The following GPBP1 variants were observed in gnomAD, a reference collection of about 807,000 sequenced individuals.
GPBP1 encodes GC-rich promoter binding protein 1.
GPBP1 carries 13 observed loss-of-function variants against 56.5 expected under a neutral mutation model. The observed-to-expected ratio is 0.23, with a 90% confidence interval of 0.15 to 0.37. GPBP1 has a LOEUF of 0.37. Ranked by LOEUF, GPBP1 falls within the 10% of genes least tolerant of loss-of-function variation. The pLI, the probability that GPBP1 is intolerant of heterozygous loss-of-function variation, is 1.00. For synonymous variants in GPBP1, 204 were observed against 188.9 expected, an observed-to-expected ratio of 1.08 and a Z score of -0.66; for missense variants, 477 against 572.3, an observed-to-expected ratio of 0.83 and a Z score of 1.70.
In GPBP1 at chr5:57,257,192, A is replaced by G. The variant is rs148966991; in HGVS notation, c.1161-3988A>G. ...TGGGATTACAGGCACCCGCCACAAC[A>G]CCTGGCTAATTTTTTGTATTTTTAA... On this transcript the variant is annotated intron_variant, in intron 10 of 11. Transcript: ENST00000506184. Among the ~76,000 whole-genome samples, 448 of 151,802 alleles carry G rather than the reference A, an allele frequency of 3.0e-3. 2 individuals carry two copies. Among genetic ancestry groups the G allele is most frequent in the African/African-American group, 0.01 (424 of 41,398 alleles).
chr5:57,218,074 C>CA (rs936035046), intron 3 of GPBP1, among the ~76,000 whole-genome samples: 2 of 151,714 alleles, frequency 1.3e-5, no homozygotes, highest in Non-Finnish European at 2.9e-5. Flanking sequence ...GAAAAAAAAA[C>CA]AAAAAAACCC....
chr5:57,238,361 C>T (rs1740635126), intron 6 of GPBP1, among the ~76,000 whole-genome samples: 1 of 152,080 alleles, frequency 6.6e-6, no homozygotes, highest in African/African-American at 2.4e-5. Context: ...GAGGTCGACA[C>T]CAGCCTGACC....
At chr5:57,227,148 G>A (rs1488894166) in intron 3 of GPBP1, among the ~76,000 whole-genome samples, 1 of 152,134 alleles carries the variant, frequency 6.6e-6, no homozygotes, top group East Asian at 1.9e-4. Context: ...CACCTCCCAG[G>A]TTCAAGCAGT....
Position 57,251,102 on chromosome 5 carries a change from A to G in GPBP1, c.1121A>G (p.Gln374Arg). Reference protein sequence around the residue: ...QQIIRSSTFPQTDVLSSSLEA... With the variant: ...QQIIRSSTFPRTDVLSSSLEA... ...ATCATTCGGTCTTCAACCTTCCCAC[A>G]AACTGATGTTCTTTCAAGTTCACTT... is the stretch of plus-strand genomic sequence containing the variant. Residue 374 changes from glutamine (Q) to arginine (R), a missense_variant, in exon 10 of 12, where the codon CAA becomes CGA. This residue lies in a region of GPBP1 where 414 missense variants were observed against 458.2 expected (regional missense o/e 0.90). Transcript: ENST00000506184. 6.2e-7 allele frequency: 1 copy of G among 1,611,748 alleles called. No individual in the cohort carries two copies.
chr5:57,185,406 A>G (rs1754243697), intron 2 of GPBP1, among the ~76,000 whole-genome samples: 1 of 151,932 alleles, frequency 6.6e-6, no homozygotes, highest in African/African-American at 2.4e-5. Flanking sequence ...GATTACAGGC[A>G]CATGCCACAA....
chr5:57,257,074 C>T (rs1040408558), intron 10 of GPBP1, among the ~76,000 whole-genome samples: 4 of 151,754 alleles, frequency 2.6e-5, no homozygotes, highest in East Asian at 1.9e-4. Context: ...ACTCTTGTCA[C>T]ACAGGCTGGA....
At position 57,263,779 on chromosome 5, in the gene GPBP1, G is replaced by A. The variant is rs1742004140; in HGVS notation, c.*1027G>A. The A allele has an allele frequency of 6.6e-6, 1 of 152,140 alleles. No individual in the cohort carries two copies. The allele number at this position is 152,140 out of a possible 1,614,324, so 9.4% of individuals were successfully genotyped here. On this transcript the variant is annotated 3_prime_UTR_variant, in exon 12 of 12. Transcript: ENST00000506184. ...ACACAAGCTTATTAAATGAATGACT[G>A]TTAACTACTTTATTTTCATTTGCAC...
At chr5:57,183,520 G>A (rs879418101) in intron 2 of GPBP1, among the ~76,000 whole-genome samples, 2 of 152,120 alleles carry the variant, frequency 1.3e-5, no homozygotes, top group Non-Finnish European at 2.9e-5. Context: ...AGTGCGCCTT[G>A]TAGTCCCAGC....
intron 3 of GPBP1, among the ~76,000 whole-genome samples, chr5:57,217,354 C>T (rs1755741791): frequency 6.6e-6 from 1 of 152,076 alleles, no homozygotes; most frequent in Non-Finnish European, 1.5e-5. Flanking sequence ...GGGCGGATCA[C>T]CTGAGGTCAG....
At position 57,246,488 on chromosome 5, in the gene GPBP1, A is replaced by G; in HGVS notation, c.663+4A>G. On this transcript the variant is annotated splice_donor_region_variant and intron_variant, in intron 7 of 11. Coordinates refer to ENST00000506184, the MANE Select transcript of GPBP1 (RefSeq NM_022913.4). ...ACCTGCTGCTCCACCTACAAAAGTA[A>G]GTTCTAAATTACCACAAATGTAAAT... 1 of 1,588,456 alleles carries G rather than the reference A, an allele frequency of 6.3e-7. No homozygotes were observed. Among genetic ancestry groups the G allele is most frequent in the Non-Finnish European group, 8.6e-7 (1 of 1,169,406 alleles).
chr5:57,212,228 T>G (rs561072236), intron 2 of GPBP1, among the ~76,000 whole-genome samples: 2 of 152,284 alleles, frequency 1.3e-5, no homozygotes, highest in East Asian at 1.9e-4. Context: ...CATTTTTGGT[T>G]AAGTTCTCTG....
chr5:57,228,030 T>C (rs991613928), intron 3 of GPBP1, among the ~76,000 whole-genome samples: 2 of 152,184 alleles, frequency 1.3e-5, no homozygotes, highest in African/African-American at 4.8e-5. Flanking sequence ...AAAAGACTAA[T>C]ACAAGATAGA....
chr5:57,229,561 C>G (rs774103737), intron 3 of GPBP1, among the ~76,000 whole-genome samples: 14 of 151,336 alleles, frequency 9.3e-5, no homozygotes, highest in Non-Finnish European at 1.6e-4. Context: ...GAGTCTTACT[C>G]TGTCTCGTCC....
chr5:57,236,246 G>A (rs962469242), intron 6 of GPBP1, among the ~76,000 whole-genome samples: 1 of 152,176 alleles, frequency 6.6e-6, no homozygotes, highest in Non-Finnish European at 1.5e-5. Context: ...GCACATGTTA[G>A]TATCATTAAA....
intron 11 of GPBP1, among the ~76,000 whole-genome samples, chr5:57,262,126 T>C (rs1014409592): frequency 6.6e-6 from 1 of 152,224 alleles, no homozygotes; most frequent in African/African-American, 2.4e-5. Flanking sequence ...TCAATTCTTA[T>C]TTATTACCAA....
intron 2 of GPBP1, among the ~76,000 whole-genome samples, chr5:57,195,809 C>T (rs1298355617): frequency 1.3e-5 from 2 of 151,582 alleles, no homozygotes; most frequent in African/African-American, 2.4e-5. Context: ...TCATGACCCT[C>T]CTGGCCAATG....
intron 2 of GPBP1, among the ~76,000 whole-genome samples, chr5:57,196,666 C>T (rs1162344242): frequency 6.6e-6 from 1 of 151,980 alleles, no homozygotes; most frequent in East Asian, 1.9e-4. Context: ...AATCAGGGCT[C>T]ACTGCAACCT....
At position 57,231,083 on chromosome 5, in the gene GPBP1, T is replaced by G; in HGVS notation, c.188-15T>G. 6.2e-7 allele frequency: 1 copy of G among 1,604,082 alleles called. No homozygotes were observed. Among genetic ancestry groups the G allele is most frequent in the Non-Finnish European group, 8.5e-7 (1 of 1,173,466 alleles). On this transcript the variant is annotated splice_polypyrimidine_tract_variant and intron_variant, in intron 4 of 11. Transcript: ENST00000506184. ...CTTCTTTGAATTTATATTACTTTGC[T>G]ATTATCAAATAAAGGTAACTTTGGA...
intron 2 of GPBP1, among the ~76,000 whole-genome samples, chr5:57,189,492 T>C (rs1244454612): frequency 2.0e-5 from 3 of 152,100 alleles, no homozygotes; most frequent in Non-Finnish European, 4.4e-5. Flanking sequence ...TCCTGGCCTG[T>C]GGTGATCCAC....
Sources: allele counts gnomAD v4.1 joint callset (sites outside exome capture counted in the v4.1 genomes callset), GRCh38; gene constraint gnomAD v4.1.1; regional missense constraint gnomAD v4.1.1; transcripts MANE v1.5; gene names NCBI Gene and HGNC (gene_info 2026-07-23, HGNC 2026-07-21).